Variants in KCNH1 observed in about 807,000 individuals in gnomAD.
KCNH1 encodes potassium voltage-gated channel subfamily H member 1.
In KCNH1, 27 loss-of-function variants were observed where a neutral mutation model predicts 69.2. The observed-to-expected ratio is 0.39, with a 90% confidence interval of 0.29 to 0.54. The LOEUF is 0.54. Ranked by LOEUF, KCNH1 falls within the 20% of genes least tolerant of loss-of-function variation. KCNH1 has a pLI of 0.68. For missense variants in KCNH1, 798 were observed against 1,261.6 expected (o/e 0.63, Z 5.57); for synonymous variants, 456 against 487.7 (o/e 0.93, Z 0.86).
At chr1:211,063,921 C>T (rs1690482198) in intron 5 of KCNH1, among the ~76,000 whole-genome samples, 2 of 152,152 alleles carry the variant, frequency 1.3e-5, no homozygotes, top group South Asian at 2.1e-4. Flanking sequence ...ACATTGTATA[C>T]TTGTATCAAA....
intron 6 of KCNH1, among the ~76,000 whole-genome samples, chr1:210,997,005 C>T (rs1689057167): frequency 6.6e-6 from 1 of 152,182 alleles, no homozygotes; most frequent in African/African-American, 2.4e-5. Context: ...ACCAAAAACC[C>T]TTCCGTACAT....
At chr1:211,018,017 G>A (rs1689522582) in intron 6 of KCNH1, among the ~76,000 whole-genome samples, 1 of 152,066 alleles carries the variant, frequency 6.6e-6, no homozygotes, top group African/African-American at 2.4e-5. Context: ...AAAGCAAGTT[G>A]TTACAAAAAG....
intron 10 of KCNH1, among the ~76,000 whole-genome samples, chr1:210,716,182 C>T (rs1011826367): frequency 6.6e-6 from 1 of 152,044 alleles, no homozygotes; most frequent in African/African-American, 2.4e-5. Context: ...TCCTGTAATC[C>T]CAGCACTTTG....
At chr1:211,049,245 C>A (rs1380073162) in intron 5 of KCNH1, among the ~76,000 whole-genome samples, 2 of 152,088 alleles carry the variant, frequency 1.3e-5, no homozygotes, top group East Asian at 1.9e-4. Flanking sequence ...TGTAAAAGTA[C>A]TTTAACAACA....
At chr1:210,858,412 C>T (rs1161007274) in intron 7 of KCNH1, 1 of 152,164 alleles carries the variant, frequency 6.6e-6, no homozygotes, top group Non-Finnish European at 1.5e-5. Flanking sequence ...CACGAAGTCA[C>T]CAGGTACAAA....
intron 7 of KCNH1, among the ~76,000 whole-genome samples, chr1:210,914,103 T>C (rs2102553243): frequency 6.6e-6 from 1 of 152,176 alleles, no homozygotes; most frequent in African/African-American, 2.4e-5. Context: ...ACCCCAAACT[T>C]TTAGAAAATT....
At chr1:211,113,639 C>T (rs1691511624) in intron 1 of KCNH1, among the ~76,000 whole-genome samples, 1 of 152,324 alleles carries the variant, frequency 6.6e-6, no homozygotes, top group African/African-American at 2.4e-5. Flanking sequence ...GAATACCACA[C>T]TGGGTGACCC....
chr1:210,765,365 A>G (rs1683608196), intron 10 of KCNH1, among the ~76,000 whole-genome samples: 1 of 152,188 alleles, frequency 6.6e-6, no homozygotes, highest in Admixed American at 6.5e-5. Context: ...TACCCATGTA[A>G]CAAACCTGCA....
At chr1:211,105,941 A>G (rs1468575322) in intron 2 of KCNH1, among the ~76,000 whole-genome samples, 1 of 152,244 alleles carries the variant, frequency 6.6e-6, no homozygotes, top group Non-Finnish European at 1.5e-5. Context: ...AAGATTTAAG[A>G]AAGTGGAAAT....
At chr1:210,707,310 A>T (rs1276255251) in intron 10 of KCNH1, among the ~76,000 whole-genome samples, 3 of 152,110 alleles carry the variant, frequency 2.0e-5, no homozygotes, top group Non-Finnish European at 4.4e-5. Context: ...CTCCCCCAGC[A>T]CTGAGAAGCA....
chr1:210,798,876 C>CT (rs1422216811), intron 8 of KCNH1, among the ~76,000 whole-genome samples: 1 of 152,162 alleles, frequency 6.6e-6, no homozygotes, highest in Admixed American at 6.5e-5. Context: ...TTACTAAGCA[C>CT]TTGCTGAGTG....
At chr1:210,973,070 C>T (rs1688541354) in intron 6 of KCNH1, among the ~76,000 whole-genome samples, 1 of 152,048 alleles carries the variant, frequency 6.6e-6, no homozygotes, top group South Asian at 2.1e-4. Context: ...GACTCTTCCT[C>T]ATTCTGTAGC....
At chr1:210,938,862 A>G (rs994422955) in intron 6 of KCNH1, among the ~76,000 whole-genome samples, 2 of 152,238 alleles carry the variant, frequency 1.3e-5, no homozygotes, top group African/African-American at 4.8e-5. Context: ...TATCTCCAGA[A>G]TAGTGTCACT....
intron 10 of KCNH1, among the ~76,000 whole-genome samples, chr1:210,773,867 A>G (rs1683801930): frequency 6.6e-6 from 1 of 152,322 alleles, no homozygotes; most frequent in African/African-American, 2.4e-5. Flanking sequence ...TGTCTAGTCT[A>G]GTTCAGTTGG....
intron 5 of KCNH1, among the ~76,000 whole-genome samples, chr1:211,080,295 A>G (rs1376798893): frequency 6.6e-6 from 1 of 152,180 alleles, no homozygotes; most frequent in African/African-American, 2.4e-5. Context: ...AGAACTACAA[A>G]CCACTGCTCG....
chr1:210,968,846 G>A (rs1176257087), intron 6 of KCNH1, among the ~76,000 whole-genome samples: 1 of 151,918 alleles, frequency 6.6e-6, no homozygotes, highest in African/African-American at 2.4e-5. Context: ...GTAGTTTCTT[G>A]TCTTGTTCTC....
At chr1:210,825,071 T>C (rs1445886103) in intron 7 of KCNH1, among the ~76,000 whole-genome samples, 1 of 152,222 alleles carries the variant, frequency 6.6e-6, no homozygotes, top group African/African-American at 2.4e-5. Flanking sequence ...AATTTTATCA[T>C]TGGCAACAAA....
chr1:211,046,386 G>A (rs1337752597), intron 5 of KCNH1, among the ~76,000 whole-genome samples: 2 of 152,202 alleles, frequency 1.3e-5, no homozygotes, highest in African/African-American at 4.8e-5. Flanking sequence ...TGTAGACCAT[G>A]TAATAGCATG....
At chr1:210,754,578 A>G (rs1488851950) in intron 10 of KCNH1, among the ~76,000 whole-genome samples, 1 of 151,648 alleles carries the variant, frequency 6.6e-6, no homozygotes, top group Non-Finnish European at 1.5e-5. Flanking sequence ...TTCTCATGAG[A>G]TCTGCTTGAT....
Sources: gnomAD v4.1 joint callset for allele counts (sites outside exome capture counted in the v4.1 genomes callset) on GRCh38, gnomAD v4.1.1 for gene constraint, MANE v1.5 for transcripts, NCBI Gene and HGNC (gene_info 2026-07-23, HGNC 2026-07-21) for gene names.